The following PRKCI variants were observed in gnomAD, a reference collection of about 807,000 sequenced individuals.
PRKCI encodes protein kinase C iota.
PRKCI carries 43 observed loss-of-function variants against 84.0 expected under a neutral mutation model. The observed-to-expected ratio is 0.51, with a 90% CI of 0.40 to 0.66. PRKCI has a LOEUF of 0.66. Among genes scored for constraint, PRKCI ranks in the 30% least tolerant of loss-of-function variants. The pLI is 0.00. For synonymous variants in PRKCI, 216 were observed against 234.4 expected, an observed-to-expected ratio of 0.92 and a Z score of 0.72; for missense variants, 459 against 745.6, an observed-to-expected ratio of 0.62 and a Z score of 4.48.
chr3:170,267,994 C>A lies in PRKCI; in HGVS notation c.444C>A (p.Phe148Leu). 1 of 1,610,762 alleles carries A rather than the reference C, an allele frequency of 6.2e-7. No homozygotes were observed. The highest frequency in any genetic ancestry group is 8.5e-7 in the Non-Finnish European group (1 of 1,177,840). The change falls in exon 5 of 18, where the codon TTC becomes TTA. Residue 148 changes from phenylalanine to leucine, a missense_variant. Transcript: ENST00000295797. The part of the protein sequence containing the change: ...ANGHTFQAKR[F>L]NRRAHCAICT... ...GCCACACTTTCCAAGCCAAGCGTTTCAACAGGGTAAACATAGTTTGTTGAA... is the reference window on the plus strand; with the variant it reads ...GCCACACTTTCCAAGCCAAGCGTTTAAACAGGGTAAACATAGTTTGTTGAA...
At chr3:170,266,851 G>T (rs923764636) in intron 4 of PRKCI, among the ~76,000 whole-genome samples, 1 of 152,102 alleles carries the variant, frequency 6.6e-6, no homozygotes, top group Non-Finnish European at 1.5e-5. Context: ...AAATTAGCCG[G>T]GTGTGGTGGT....
intron 2 of PRKCI, among the ~76,000 whole-genome samples, chr3:170,246,605 G>T (rs1273221546): frequency 1.3e-5 from 2 of 152,020 alleles, no homozygotes. Context: ...GATGTCTTGA[G>T]ATCTGTTAAT....
intron 15 of PRKCI, 82 bp from the exon 16 acceptor site, chr3:170,297,222 G>A: frequency 9.1e-7 from 1 of 1,100,830 alleles, no homozygotes; most frequent in Non-Finnish European, 1.4e-6. Flanking sequence ...TATCATGTGA[G>A]GGCACACAAC....
intron 3 of PRKCI, 36 bp downstream of exon 3, chr3:170,260,094 A>G: frequency 7.4e-7 from 1 of 1,353,142 alleles, no homozygotes; most frequent in East Asian, 2.3e-5. Flanking sequence ...GTCCAGACTG[A>G]TAATTTCTTT....
chr3:170,287,338 T>TATATATAG (rs774079161), intron 12 of PRKCI, among the ~76,000 whole-genome samples: 2 of 149,132 alleles, frequency 1.3e-5, no homozygotes, highest in African/African-American at 4.9e-5. Flanking sequence ...TATATATATA[T>TATATATAG]AGAGAGAGAG....
At chr3:170,234,357 A>G (rs970658075) in intron 1 of PRKCI, among the ~76,000 whole-genome samples, 1 of 152,140 alleles carries the variant, frequency 6.6e-6, no homozygotes, top group African/African-American at 2.4e-5. Context: ...TAAGTATTAC[A>G]CAGATGTCTT....
intron 8 of PRKCI, among the ~76,000 whole-genome samples, chr3:170,279,983 G>A (rs1272286834): frequency 6.6e-6 from 1 of 152,010 alleles, no homozygotes; most frequent in Non-Finnish European, 1.5e-5. Context: ...ATCCTTCGAT[G>A]TTTTTGTGAT....
intron 11 of PRKCI, among the ~76,000 whole-genome samples, chr3:170,283,346 A>G (rs1734298136): frequency 6.6e-6 from 1 of 152,186 alleles, no homozygotes; most frequent in South Asian, 2.1e-4. Flanking sequence ...TTGTATATGT[A>G]TGTTATTATC....
intron 2 of PRKCI, among the ~76,000 whole-genome samples, chr3:170,240,652 T>C (rs965683693): frequency 2.0e-5 from 3 of 152,240 alleles, no homozygotes; most frequent in Non-Finnish European, 4.4e-5. Context: ...CATTGGGGCA[T>C]GTCGGTCTGA....
At position 170,260,042 on chromosome 3, in the gene PRKCI, T is replaced by A. The variant is rs1207366663; in HGVS notation, c.297T>A (p.Ser99=). Residue 99 remains serine, a synonymous_variant, in exon 3 of 18, where the codon TCT becomes TCA. Transcript: ENST00000295797. The stretch of plus-strand genomic sequence containing the variant: ...GACTTTATGAGCTAAACAAGGATTC[T>A]GAACTCTTGATTCATGGTAAGAGAG... ...AFRLYELNKD[S]ELLIHVFPCV... 16 of 1,608,216 alleles carry A rather than the reference T, an allele frequency of 9.9e-6. No individual in the cohort carries two copies. Among genetic ancestry groups the A allele is most frequent in the Non-Finnish European group, 1.4e-5 (16 of 1,175,566 alleles).
At chr3:170,243,494 A>T (rs999207940) in intron 2 of PRKCI, among the ~76,000 whole-genome samples, 2 of 152,200 alleles carry the variant, frequency 1.3e-5, no homozygotes, top group African/African-American at 2.4e-5. Flanking sequence ...CCTTCCTTGT[A>T]TGGAAATATA....
chr3:170,238,560 C>G (rs891172788), intron 2 of PRKCI, among the ~76,000 whole-genome samples: 1 of 148,936 alleles, frequency 6.7e-6, no homozygotes, highest in Non-Finnish European at 1.5e-5. Flanking sequence ...TAGTTTTTCA[C>G]TACCATAAAC....
At position 170,222,588 on chromosome 3, in the gene PRKCI, C is replaced by G; in HGVS notation, c.-82C>G. The G allele has an allele frequency of 8.2e-7, 1 of 1,226,832 alleles. No homozygotes were observed. 76.0% of individuals were successfully genotyped at this position (1,226,832 alleles called of 1,614,324 possible). On this transcript the variant is annotated 5_prime_UTR_variant, in exon 1 of 18. Transcript: ENST00000295797. ...CGGACGGCCGCGGTTCTCCGGCAAG[C>G]GCAGGCGGCGGAGTCCCCCACGGCG...
intron 7 of PRKCI, among the ~76,000 whole-genome samples, chr3:170,273,735 A>G (rs986995132): frequency 6.6e-6 from 1 of 151,856 alleles, no homozygotes; most frequent in Non-Finnish European, 1.5e-5. Context: ...AAATCGCTTG[A>G]ACCCAGAAGT....
At chr3:170,257,963 C>T (rs759225509) in intron 2 of PRKCI, among the ~76,000 whole-genome samples, 17 of 151,894 alleles carry the variant, frequency 1.1e-4, no homozygotes, top group Non-Finnish European at 2.2e-4. Context: ...TGCACCTGGC[C>T]TGAAAGAGGT....
At chr3:170,230,048 G>GT (rs1732744690) in intron 1 of PRKCI, among the ~76,000 whole-genome samples, 1 of 151,488 alleles carries the variant, frequency 6.6e-6, no homozygotes, top group Non-Finnish European at 1.5e-5. Flanking sequence ...GGAGTTTTTC[G>GT]TTTTTATGTC....
chr3:170,249,292 C>T (rs117182549), intron 2 of PRKCI, among the ~76,000 whole-genome samples: 3,199 of 151,852 alleles, frequency 0.021, 52 homozygotes, highest in East Asian at 0.085. Context: ...AATCAGCCAG[C>T]GAGTCTAGGG....
chr3:170,231,976 CAG>C (rs1350226459), intron 1 of PRKCI, among the ~76,000 whole-genome samples: 3 of 151,792 alleles, frequency 2.0e-5, no homozygotes, highest in African/African-American at 7.3e-5. Flanking sequence ...ACCTGGGTGA[CAG>C]AGCGAGACTC....
At chr3:170,277,914 C>T (rs1169602960) in intron 8 of PRKCI, among the ~76,000 whole-genome samples, 1 of 152,126 alleles carries the variant, frequency 6.6e-6, no homozygotes, top group East Asian at 1.9e-4. Flanking sequence ...TTCTTTCCTT[C>T]CTACGTCTGT....
Sources: allele counts gnomAD v4.1 joint callset (sites outside exome capture counted in the v4.1 genomes callset), GRCh38; gene constraint gnomAD v4.1.1; transcripts MANE v1.5; gene names NCBI Gene and HGNC (gene_info 2026-07-23, HGNC 2026-07-21).